GRTP1: variants seen among roughly 807,000 people sequenced by gnomAD.
GRTP1 encodes growth hormone regulated TBC protein 1.
Under a neutral mutation model 38.1 loss-of-function variants are expected in GRTP1, and 56 were observed. The observed-to-expected ratio is 1.47, with a 90% confidence interval of 1.19 to 1.84. The LOEUF is 1.84. Ranked by LOEUF, GRTP1 falls within the 40% of genes most tolerant of loss-of-function variation. GRTP1 has a pLI of 0.00. For synonymous variants in GRTP1, 217 were observed against 189.5 expected, an observed-to-expected ratio of 1.14 and a Z score of -1.19; for missense variants, 506 against 453.9, an observed-to-expected ratio of 1.11 and a Z score of -1.04.
At chr13:113,357,515 G>T (rs2043418054) in intron 2 of GRTP1, among the ~76,000 whole-genome samples, 1 of 150,260 alleles carries the variant, frequency 6.7e-6, no homozygotes, top group Non-Finnish European at 1.5e-5. Flanking sequence ...TGAGGATCAT[G>T]TCTCAGGTAA....
chr13:113,332,056 C>A (rs1304015093), intron 5 of GRTP1, among the ~76,000 whole-genome samples: 2 of 151,526 alleles, frequency 1.3e-5, no homozygotes, highest in Non-Finnish European at 2.9e-5. Flanking sequence ...ATTGCTTGAG[C>A]CCAGGAGTTC....
intron 4 of GRTP1, among the ~76,000 whole-genome samples, chr13:113,346,170 G>GGCAGAGAGCA (rs2043117421): frequency 9.7e-6 from 1 of 103,278 alleles, no homozygotes. Context: ...GCCTGACAGT[G>GGCAGAGAGCA]GACCCGGGAG....
intron 4 of GRTP1, among the ~76,000 whole-genome samples, chr13:113,346,170 G>A (rs1346685731): frequency 1.4e-3 from 147 of 103,250 alleles, no homozygotes; most frequent in East Asian, 3.8e-3. Context: ...GCCTGACAGT[G>A]GACCCGGGAG....
intron 3 of GRTP1, chr13:113,355,029 G>T (rs1445714187): frequency 6.5e-6 from 2 of 306,744 alleles, no homozygotes; most frequent in Admixed American, 4.7e-5. Context: ...AAGCGCACCG[G>T]CAACAGAGGC....
chr13:113,347,596 A>G (rs796752252), intron 4 of GRTP1, among the ~76,000 whole-genome samples: 167 of 24,276 alleles, frequency 6.9e-3, no homozygotes, highest in African/African-American at 0.019. Flanking sequence ...GGCTGAGAAC[A>G]GACCCGGGAG....
intron 5 of GRTP1, among the ~76,000 whole-genome samples, chr13:113,339,139 C>T (rs1566423217): frequency 6.6e-6 from 1 of 152,094 alleles, no homozygotes; most frequent in Non-Finnish European, 1.5e-5. Context: ...GTCTCGAACT[C>T]CTGACCTTAG....
chr13:113,358,045 G>A (rs946980188), intron 2 of GRTP1, among the ~76,000 whole-genome samples: 5 of 152,150 alleles, frequency 3.3e-5, no homozygotes, highest in Admixed American at 1.3e-4. Flanking sequence ...AGCCGGGCGT[G>A]GTGGCAGGTG....
intron 2 of GRTP1, 125 bp from the exon 3 acceptor site, chr13:113,355,606 C>G (rs1182437919): frequency 1.7e-6 from 2 of 1,156,484 alleles, no homozygotes; most frequent in East Asian, 5.4e-5. Context: ...AGACCCAGAA[C>G]TTCGTCCATC....
At chr13:113,324,894 T>C in intron 7 of GRTP1, 1 of 785,402 alleles carries the variant, frequency 1.3e-6, no homozygotes, top group Non-Finnish European at 1.6e-6. Context: ...TGGCGCGATC[T>C]CGGCTCACTG....
In GRTP1 at chr13:113,363,844, G is replaced by A; in HGVS notation, c.99C>T (p.Ser33=). 2 of 1,612,086 alleles carry A rather than the reference G, an allele frequency of 1.2e-6. No homozygotes were observed. The highest frequency in any genetic ancestry group is 2.2e-5 in the East Asian group (1 of 44,712). ...TGCGGGTGAGCGTGACCAGGTAGCT[G>A]GAGAAAAACTTCTCGTAGGCGGCGT... ...FDDAAYEKFF[S]SYLVTLTRRA... The change falls in exon 2 of 8, where the codon TCC becomes TCT. Residue 33 remains serine (S), a synonymous_variant. Coordinates refer to ENST00000375431, the MANE Select transcript of GRTP1 (RefSeq NM_024719.4).
rs1595495213 is a variant in GRTP1 at position 113,346,187 on chromosome 13, TGTG to T, written c.466-1231_466-1229del. Among the ~76,000 whole-genome samples, 4 of 142,738 alleles carry T rather than the reference TGTG, an allele frequency of 2.8e-5. 2 individuals carry two copies. Among genetic ancestry groups the T allele is most frequent in the East Asian group, 4.3e-4 (2 of 4,618 alleles). The allele number at this position is 142,738 out of a possible 152,430, so 93.6% of individuals were successfully genotyped here. A position where few individuals can be genotyped will look rare whatever the true frequency, so the allele number is the denominator to read the frequency against. ...CTGACAGTGGACCCGGGAGGACCTCTGTGGCTGAGAGCAGACCCGGGAGGACCT... is the reference window on the plus strand; with the variant it reads ...CTGACAGTGGACCCGGGAGGACCTCTGCTGAGAGCAGACCCGGGAGGACCT... On this transcript the variant is annotated intron_variant, in intron 4 of 7. Transcript: ENST00000375431.
At position 113,324,406 on chromosome 13, in the gene GRTP1, AAGC is replaced by A; in HGVS notation, c.*79_*81del. ...CAAGTATTTACAACACTAAAAAGGA[AAGC>A]AGTGAAAGTTGGTCCAGTGTCAACT... On this transcript the variant is annotated 3_prime_UTR_variant, in exon 8 of 8. Transcript: ENST00000375431. 7.0e-7 allele frequency: 1 copy of A among 1,428,412 alleles called. No individual in the cohort carries two copies. The highest frequency in any genetic ancestry group is 9.2e-7 in the Non-Finnish European group (1 of 1,086,182). The allele number at this position is 1,428,412 out of a possible 1,614,324, so 88.5% of individuals were successfully genotyped here.
rs1038713985 is a variant in GRTP1 at position 113,343,887 on chromosome 13, C to T, written c.562+976G>A. ...GGGAAGGGCAGAGTGGTCTCAGCCC[C>T]AGGCCCTGCCCACCCGACTGATCCT... On this transcript the variant is annotated intron_variant, in intron 5 of 7. Coordinates refer to ENST00000375431, the MANE Select transcript of GRTP1 (RefSeq NM_024719.4). The surrounding 1 kb of genome is among the most constrained non-coding windows in gnomAD (Gnocchi z 4.8). Among the ~76,000 whole-genome samples, 1 of 152,228 alleles carries T rather than the reference C, an allele frequency of 6.6e-6. No homozygotes were observed. The highest frequency in any genetic ancestry group is 6.5e-5 in the Admixed American group (1 of 15,286).
rs2042727508 is a variant in GRTP1 at position 113,324,301 on chromosome 13, A to AG, written c.*186dup. 1 of 799,782 alleles carries AG rather than the reference A, an allele frequency of 1.3e-6. No individual in the cohort carries two copies. Among genetic ancestry groups the AG allele is most frequent in the East Asian group, 3.2e-5 (1 of 31,058 alleles). The allele number at this position is 799,782 out of a possible 1,614,324, so 49.5% of individuals were successfully genotyped here. A position where few individuals can be genotyped will look rare whatever the true frequency, so the allele number is the denominator to read the frequency against. ...TTTTCTTTAAAAAGTATGACTTCAT[A>AG]GCTAATCATCAAAAGCTGGTAGAAT... is the stretch of plus-strand genomic sequence containing the variant. On this transcript the variant is annotated 3_prime_UTR_variant, in exon 8 of 8. Coordinates refer to ENST00000375431, the MANE Select transcript of GRTP1 (RefSeq NM_024719.4).
chr13:113,342,549 T>C lies in GRTP1; in HGVS notation c.562+2314A>G, dbSNP rs1002596528. On this transcript the variant is annotated intron_variant, in intron 5 of 7. Transcript: ENST00000375431. The surrounding 1 kb of genome is among the most constrained non-coding windows in gnomAD (Gnocchi z 4.5). ...ATTTTTTGAACTTCTGAAATGAGAA[T>C]ATATCTGTGTATTTCTTGTATAACT... is the stretch of plus-strand genomic sequence containing the variant. Among the ~76,000 whole-genome samples, 1 of 151,920 alleles carries C rather than the reference T, an allele frequency of 6.6e-6. No individual in the cohort carries two copies. Among genetic ancestry groups the C allele is most frequent in the African/African-American group, 2.4e-5 (1 of 41,394 alleles).
intron 5 of GRTP1, among the ~76,000 whole-genome samples, chr13:113,338,115 C>T (rs547165175): frequency 7.2e-5 from 11 of 152,340 alleles, no homozygotes; most frequent in Non-Finnish European, 1.3e-4. Flanking sequence ...CCCTCAGTCA[C>T]GCGGCAGGGC....
chr13:113,344,674 C>T (rs1566427067), intron 5 of GRTP1, among the ~76,000 whole-genome samples, 189 bp downstream of exon 5: 1 of 128,980 alleles, frequency 7.8e-6, no homozygotes, highest in Non-Finnish European at 1.5e-5. Flanking sequence ...GATCACACCA[C>T]TGCACTCCAG....
chr13:113,341,487 G>T (rs2043025916), intron 5 of GRTP1, among the ~76,000 whole-genome samples: 2 of 152,094 alleles, frequency 1.3e-5, no homozygotes, highest in African/African-American at 4.8e-5. Flanking sequence ...GGCTGGTCTC[G>T]AACTCCTGAC....
chr13:113,363,934 C>T, intron 1 of GRTP1, 24 bp from the exon 2 acceptor site: 2 of 1,605,334 alleles, frequency 1.2e-6, no homozygotes, highest in Non-Finnish European at 1.7e-6. Context: ...AGAAGGAGGC[C>T]GGCGTCCCCG....
Sources: allele counts gnomAD v4.1 joint callset (sites outside exome capture counted in the v4.1 genomes callset), GRCh38; gene constraint gnomAD v4.1.1; non-coding constraint Gnocchi (gnomAD v3.1); transcripts MANE v1.5; gene names NCBI Gene and HGNC (gene_info 2026-07-23, HGNC 2026-07-21).